The following ARHGEF28 variants were observed in gnomAD, a reference collection of about 807,000 sequenced individuals.
ARHGEF28 encodes the protein Rho guanine nucleotide exchange factor 28.
In ARHGEF28, 152 loss-of-function variants were observed where a neutral mutation model predicts 206.6. The ratio of observed to expected loss-of-function variants is 0.74; its 90% CI spans 0.64 to 0.84. ARHGEF28 has a LOEUF of 0.84. ARHGEF28 is among the 40% of genes least tolerant of loss of function. The pLI, the probability that ARHGEF28 is intolerant of heterozygous loss-of-function variation, is 0.00. For synonymous variants in ARHGEF28, 763 were observed against 776.4 expected (o/e 0.98, Z 0.29); for missense variants, 2,028 against 2,073.2 (o/e 0.98, Z 0.42).
chr5:73,674,828 C>T (rs1323128143), intron 1 of ARHGEF28, among the ~76,000 whole-genome samples: 1 of 152,200 alleles, frequency 6.6e-6, no homozygotes, highest in Non-Finnish European at 1.5e-5. Context: ...GGACTGGGTT[C>T]TTGGAACTAC....
intron 7 of ARHGEF28, among the ~76,000 whole-genome samples, chr5:73,792,549 G>A (rs1220948636): frequency 6.6e-6 from 1 of 151,910 alleles, no homozygotes; most frequent in East Asian, 1.9e-4. Flanking sequence ...TTAAAGGAAT[G>A]AATGTCCTAA....
At chr5:73,836,899 A>G (rs891683718) in intron 10 of ARHGEF28, among the ~76,000 whole-genome samples, 1 of 152,078 alleles carries the variant, frequency 6.6e-6, no homozygotes, top group Non-Finnish European at 1.5e-5. Context: ...TTTTCCTAGT[A>G]TCATTATTGA....
At chr5:73,897,932 T>C (rs1422089395) in intron 29 of ARHGEF28, 30 bp from the exon 30 acceptor site, 3 of 1,546,214 alleles carry the variant, frequency 1.9e-6, no homozygotes, top group Middle Eastern at 3.5e-4. Context: ...CTTTGTTTTT[T>C]AGATTTATTT....
intron 2 of ARHGEF28, among the ~76,000 whole-genome samples, chr5:73,699,753 C>T (rs578043768): frequency 1.3e-5 from 2 of 152,276 alleles, no homozygotes; most frequent in African/African-American, 4.8e-5. Context: ...GAAACAGCTT[C>T]TTGTATCCTT....
chr5:73,741,379 GTGTGTGTATATATATATATATATATA>G (rs1156841683), intron 2 of ARHGEF28, among the ~76,000 whole-genome samples: 39 of 37,636 alleles, frequency 1.0e-3, no homozygotes, highest in East Asian at 2.8e-3. Flanking sequence ...GTGTGTGTGT[GTGTGTGTATATATATATATATATATA>G]TATATATATA....
intron 2 of ARHGEF28, among the ~76,000 whole-genome samples, chr5:73,708,150 G>A (rs1271547105): frequency 1.3e-5 from 2 of 150,890 alleles, no homozygotes; most frequent in Non-Finnish European, 2.9e-5. Context: ...GGTTCTTTTT[G>A]TCTTACAGTC....
chr5:73,717,496 A>AT (rs1173097236), intron 2 of ARHGEF28, among the ~76,000 whole-genome samples: 1 of 152,176 alleles, frequency 6.6e-6, no homozygotes, highest in East Asian at 1.9e-4. Context: ...TGAATATAAT[A>AT]TTTGCGAAAA....
rs1352453444 is a variant in ARHGEF28, at chr5:73,904,355, C to A, written c.4114-3C>A. 1.9e-6 allele frequency: 3 copies of A among 1,613,230 alleles called. No homozygotes were observed. Among genetic ancestry groups the A allele is most frequent in the Non-Finnish European group, 2.5e-6 (3 of 1,179,534 alleles). On this transcript the variant is annotated splice_region_variant and splice_polypyrimidine_tract_variant and intron_variant, in intron 32 of 35. Coordinates refer to ENST00000513042, the MANE Select transcript of ARHGEF28 (RefSeq NM_001177693.2). ...ATTTGACACTTACAATTTTGTTTTT[C>A]AGATTATACAAGCCATACAGAATTT... is the stretch of plus-strand genomic sequence containing the variant.
intron 16 of ARHGEF28, among the ~76,000 whole-genome samples, chr5:73,858,716 A>G (rs980559317): frequency 6.6e-6 from 1 of 152,112 alleles, no homozygotes; most frequent in African/African-American, 2.4e-5. Flanking sequence ...CAGCATTCCA[A>G]CTGACTTCCT....
intron 31 of ARHGEF28, chr5:73,903,474 G>T (rs950671498): frequency 2.6e-5 from 4 of 152,198 alleles, no homozygotes; most frequent in African/African-American, 9.7e-5. Flanking sequence ...GACAATAAAT[G>T]AATAAACAAG....
At chr5:73,881,250 T>C (rs893270950) in intron 22 of ARHGEF28, among the ~76,000 whole-genome samples, 2 of 152,160 alleles carry the variant, frequency 1.3e-5, no homozygotes, top group African/African-American at 4.8e-5. Flanking sequence ...CTTTATTATT[T>C]TTTCCAAAAT....
intron 22 of ARHGEF28, among the ~76,000 whole-genome samples, chr5:73,873,535 T>G (rs1349892063): frequency 6.6e-6 from 1 of 152,108 alleles, no homozygotes; most frequent in Non-Finnish European, 1.5e-5. Context: ...GAATGTCACG[T>G]TTTACAGTGG....
intron 2 of ARHGEF28, among the ~76,000 whole-genome samples, chr5:73,695,122 G>T (rs1158120774): frequency 6.6e-6 from 1 of 152,174 alleles, no homozygotes; most frequent in Non-Finnish European, 1.5e-5. Flanking sequence ...ACAACAAAAG[G>T]CCAGCATGGC....
intron 34 of ARHGEF28, among the ~76,000 whole-genome samples, chr5:73,910,381 C>CAAAAAAA (rs60086897): frequency 4.5e-4 from 14 of 30,990 alleles, no homozygotes; most frequent in South Asian, 2.0e-3. Flanking sequence ...AACACCATCT[C>CAAAAAAA]AAAAAAAAAA....
chr5:73,688,285 A>C (rs1747594884), intron 2 of ARHGEF28, among the ~76,000 whole-genome samples: 1 of 152,156 alleles, frequency 6.6e-6, no homozygotes, highest in African/African-American at 2.4e-5. Context: ...CCCAATTTCT[A>C]CCCACCTCTC....
intron 1 of ARHGEF28, among the ~76,000 whole-genome samples, chr5:73,655,219 G>A (rs1745108496): frequency 6.6e-6 from 1 of 152,184 alleles, no homozygotes; most frequent in African/African-American, 2.4e-5. Flanking sequence ...CCTTGGGTTT[G>A]TCATGCTCTG....
intron 4 of ARHGEF28, among the ~76,000 whole-genome samples, chr5:73,755,978 T>A (rs1194055477): frequency 1.3e-5 from 2 of 152,246 alleles, no homozygotes; most frequent in African/African-American, 2.4e-5. Flanking sequence ...TTTCTTTTCA[T>A]AGTAAAACAC....
intron 31 of ARHGEF28, chr5:73,903,050 A>G (rs568422014): frequency 6.6e-6 from 1 of 152,328 alleles, no homozygotes; most frequent in South Asian, 2.1e-4. Context: ...CTCCATTTTC[A>G]GCCTCTGTCT....
chr5:73,818,278 G>GA (rs1326989357), intron 9 of ARHGEF28, among the ~76,000 whole-genome samples: 2 of 152,128 alleles, frequency 1.3e-5, no homozygotes, highest in South Asian at 4.1e-4. Flanking sequence ...TACCTAATCT[G>GA]AAAAAATAAT....
Sources: gnomAD v4.1 joint callset for allele counts (sites outside exome capture counted in the v4.1 genomes callset) on GRCh38, gnomAD v4.1.1 for gene constraint, MANE v1.5 for transcripts, NCBI Gene and HGNC (gene_info 2026-07-23, HGNC 2026-07-21) for gene names.